Variants in NLRC5 observed in about 807,000 individuals in gnomAD.
The protein encoded by NLRC5 is protein NLRC5.
In NLRC5, 114 loss-of-function variants were observed where a neutral mutation model predicts 206.9. The ratio of observed to expected loss-of-function variants is 0.55; its 90% CI spans 0.47 to 0.64. The LOEUF is 0.64. Ranked by LOEUF, NLRC5 falls within the 30% of genes least tolerant of loss-of-function variation. The pLI, the probability that NLRC5 is intolerant of heterozygous loss-of-function variation, is 0.00. For synonymous variants in NLRC5, 952 were observed against 962.8 expected (o/e 0.99, Z 0.21); for missense variants, 2,008 against 2,305.5 (o/e 0.87, Z 2.64).
At position 57,043,590 on chromosome 16, in the gene NLRC5, C is replaced by A. The variant is rs1597327716; in HGVS notation, c.3189C>A (p.Phe1063Leu). Residue 1063 changes from phenylalanine to leucine, a missense_variant, in exon 20 of 49, where the codon TTC (phenylalanine) becomes TTA (leucine). By Grantham distance (22) the Phe-to-Leu change is conservative. Transcript: ENST00000688547. ...VRCFSTLQWL[F>L]RLDISFESQH... is the part of the protein sequence containing the mutation. ...GCTTCTCCACTCTGCAGTGGCTCTT[C>A]CGCTTGGACATCAGGTGAGCGTGCC... 3.1e-6 allele frequency: 5 copies of A among 1,613,988 alleles called. No individual in the cohort carries two copies. Among genetic ancestry groups the A allele is most frequent in the Non-Finnish European group, 4.2e-6 (5 of 1,179,856 alleles).
intron 23 of NLRC5, among the ~76,000 whole-genome samples, chr16:57,050,749 G>A (rs1293913835): frequency 6.6e-6 from 1 of 152,168 alleles, no homozygotes; most frequent in African/African-American, 2.4e-5. Flanking sequence ...GTGTTAATGG[G>A]CAACTAGAGA....
At chr16:57,033,364 G>T (rs1226570709) in intron 11 of NLRC5, among the ~76,000 whole-genome samples, 2 of 152,192 alleles carry the variant, frequency 1.3e-5, no homozygotes, top group East Asian at 3.8e-4. Flanking sequence ...TTTGCCCAAG[G>T]CCACATGGCT....
chr16:57,066,202 C>T (rs553063708), intron 33 of NLRC5, among the ~76,000 whole-genome samples: 4 of 151,780 alleles, frequency 2.6e-5, no homozygotes, highest in Admixed American at 6.6e-5. Context: ...TTTGGGAGGC[C>T]GAGGCAGGAG....
At chr16:57,061,564 G>A (rs2066486751) in intron 31 of NLRC5, 33 bp downstream of exon 31, 1 of 1,609,208 alleles carries the variant, frequency 6.2e-7, no homozygotes, top group African/African-American at 1.3e-5. Flanking sequence ...GAGGACAGCA[G>A]AGGGGTGGGG....
chr16:57,003,867 T>C (rs1411581823), intron 1 of NLRC5: 1 of 152,166 alleles, frequency 6.6e-6, no homozygotes, highest in Non-Finnish European at 1.5e-5. Flanking sequence ...ATGAGGACGC[T>C]GAGGTACGAA....
intron 26 of NLRC5, 57 bp from the exon 27 acceptor site, chr16:57,055,376 G>A (rs1015496947): frequency 3.3e-5 from 50 of 1,530,086 alleles, no homozygotes; most frequent in Non-Finnish European, 4.5e-5. Context: ...CCAGGCCGGA[G>A]GGGGTCTCAG....
chr16:57,066,900 C>A (rs574652618), intron 34 of NLRC5, among the ~76,000 whole-genome samples: 1 of 152,176 alleles, frequency 6.6e-6, no homozygotes, highest in Admixed American at 6.5e-5. Flanking sequence ...GTTCTCTTCA[C>A]GCCTACCTGC....
chr16:57,009,243 A>C (rs1330282291), intron 1 of NLRC5, among the ~76,000 whole-genome samples: 2 of 151,994 alleles, frequency 1.3e-5, no homozygotes, highest in Admixed American at 1.3e-4. Flanking sequence ...GTGAGCCGAG[A>C]CCTTGCCATT....
At chr16:57,059,742 T>A (rs2066174525) in intron 30 of NLRC5, among the ~76,000 whole-genome samples, 1 of 152,172 alleles carries the variant, frequency 6.6e-6, no homozygotes, top group South Asian at 2.1e-4. Flanking sequence ...TTGTGCCTCT[T>A]AGCCCACCAT....
At chr16:56,999,627 G>T (rs576032512) in intron 1 of NLRC5, among the ~76,000 whole-genome samples, 1 of 152,394 alleles carries the variant, frequency 6.6e-6, no homozygotes, top group South Asian at 2.1e-4. Flanking sequence ...GAGCCACAGA[G>T]TTGGGGCACG....
chr16:57,031,598 G>A, intron 11 of NLRC5, 135 bp downstream of exon 11: 2 of 800,296 alleles, frequency 2.5e-6, no homozygotes, highest in Non-Finnish European at 4.1e-6. Context: ...CTGCACTGAG[G>A]AATGAATTAC....
At chr16:57,065,052 T>C (rs2066936839) in intron 32 of NLRC5, among the ~76,000 whole-genome samples, 160 bp from the exon 33 acceptor site, 1 of 152,224 alleles carries the variant, frequency 6.6e-6, no homozygotes, top group African/African-American at 2.4e-5. Flanking sequence ...TTTTTTAGAT[T>C]GATGCCTACT....
chr16:57,061,084 T>C (rs1463596016), intron 30 of NLRC5, among the ~76,000 whole-genome samples: 1 of 152,270 alleles, frequency 6.6e-6, no homozygotes, highest in African/African-American at 2.4e-5. Flanking sequence ...TCTTATCTGC[T>C]GTGTGTCCTT....
intron 1 of NLRC5, among the ~76,000 whole-genome samples, chr16:56,994,607 A>G (rs1396308691): frequency 1.3e-5 from 2 of 152,202 alleles, no homozygotes; most frequent in Non-Finnish European, 2.9e-5. Context: ...CATGCTGGAT[A>G]GAGAGGCAGA....
In NLRC5 at chr16:57,059,067, G is replaced by A; in HGVS notation, c.3920+6G>A. ...GTCCGGGAGGCCTCAGTGAAGTAAGGGGATGTTGGTCCCCGAAAAGCCCCT... is the reference window on the plus strand; with the variant it reads ...GTCCGGGAGGCCTCAGTGAAGTAAGAGGATGTTGGTCCCCGAAAAGCCCCT... On this transcript the variant is annotated splice_donor_region_variant and intron_variant, in intron 29 of 48. Transcript: ENST00000688547. 1.2e-6 allele frequency: 2 copies of A among 1,613,872 alleles called. No individual in the cohort carries two copies. Among genetic ancestry groups the A allele is most frequent in the Non-Finnish European group, 1.7e-6 (2 of 1,180,002 alleles).
At chr16:57,015,796 A>G (rs2060001386) in intron 1 of NLRC5, among the ~76,000 whole-genome samples, 4 of 151,460 alleles carry the variant, frequency 2.6e-5, no homozygotes. Flanking sequence ...GTGTAGTGGC[A>G]CATGCCTGTA....
intron 39 of NLRC5, 130 bp from the exon 40 acceptor site, chr16:57,076,689 C>G: frequency 1.3e-6 from 1 of 795,686 alleles, no homozygotes; most frequent in Middle Eastern, 2.5e-4. Context: ...CCATGACCCC[C>G]AGAAGTTTTG....
At chr16:57,078,537 C>A (rs1353466228) in intron 43 of NLRC5, among the ~76,000 whole-genome samples, 2 of 146,598 alleles carry the variant, frequency 1.4e-5, no homozygotes, top group African/African-American at 5.1e-5. Flanking sequence ...AGTGGTGCAA[C>A]CTCGGCTCAC....
At position 57,025,631 on chromosome 16, in the gene NLRC5, G is replaced by A; in HGVS notation, c.688G>A (p.Ala230Thr). ...GAGGGTGACCGTGCTTTTGGGGAAG[G>A]CTGGCATGGGCAAGACCACGCTGGC... ...GPRVTVLLGKAGMGKTTLAHR... is the reference protein window; with the variant it reads ...GPRVTVLLGKTGMGKTTLAHR... Residue 230 changes from alanine to threonine, a missense_variant, in exon 6 of 49, where the codon GCT (alanine) becomes ACT (threonine). Transcript: ENST00000688547. 3 of 1,614,176 alleles carry A rather than the reference G, an allele frequency of 1.9e-6. No individual in the cohort carries two copies. Among genetic ancestry groups the A allele is most frequent in the East Asian group, 2.2e-5 (1 of 44,876 alleles).
Sources: gnomAD v4.1 joint callset for allele counts (sites outside exome capture counted in the v4.1 genomes callset) on GRCh38, gnomAD v4.1.1 for gene constraint, MANE v1.5 for transcripts, NCBI Gene and HGNC (gene_info 2026-07-23, HGNC 2026-07-21) for gene names.